Variants in KCNJ6 observed in about 807,000 individuals in gnomAD.
KCNJ6 encodes potassium inwardly rectifying channel subfamily J member 6.
In KCNJ6, 9 loss-of-function variants were observed where a neutral mutation model predicts 34.2. The observed-to-expected ratio is 0.26, with a 90% CI of 0.16 to 0.46. The LOEUF is 0.46. Among genes scored for constraint, KCNJ6 ranks in the 20% least tolerant of loss-of-function variants. KCNJ6 has a pLI of 1.00. For missense variants in KCNJ6, 236 were observed against 531.3 expected, an observed-to-expected ratio of 0.44 and a Z score of 5.46; for synonymous variants, 196 against 207.1, an observed-to-expected ratio of 0.95 and a Z score of 0.46.
At position 37,649,157 on chromosome 21, in the gene KCNJ6, A is replaced by AAAAAAAAAAAC. The variant is rs755535850; in HGVS notation, c.947-23674_947-23673insGTTTTTTTTTT. On this transcript the variant is annotated intron_variant, in intron 3 of 3. Transcript: ENST00000609713. ...CAAAAAAAAAAAAAAAAAAAAAAGA[A>AAAAAAAAAAAC]AGAAAAAGAAAGGGAGTTTATAAAT... is the stretch of plus-strand genomic sequence containing the variant. 2.4e-4 allele frequency among the ~76,000 whole-genome samples: 32 copies of AAAAAAAAAAAC among 134,008 alleles called. 1 individual carries two copies. Among genetic ancestry groups the AAAAAAAAAAAC allele is most frequent in the East Asian group, 9.9e-4 (4 of 4,056 alleles). 87.9% of individuals were successfully genotyped at this position (134,008 alleles called of 152,430 possible). A position where few individuals can be genotyped will look rare whatever the true frequency, so the allele number is the denominator to read the frequency against.
chr21:37,779,620 G>C (rs1354649315), intron 2 of KCNJ6, among the ~76,000 whole-genome samples: 4 of 152,136 alleles, frequency 2.6e-5, no homozygotes, highest in African/African-American at 9.7e-5. Flanking sequence ...AAGCCACTTG[G>C]GGAACCTGAG....
intron 2 of KCNJ6, among the ~76,000 whole-genome samples, chr21:37,752,358 G>A (rs559133909): frequency 1.3e-5 from 2 of 152,104 alleles, no homozygotes; most frequent in African/African-American, 2.4e-5. Flanking sequence ...CCTAGGAGGT[G>A]GTCTGACATG....
At chr21:37,745,072 GTTTTT>G (rs58661633) in intron 2 of KCNJ6, among the ~76,000 whole-genome samples, 7 of 89,464 alleles carry the variant, frequency 7.8e-5, no homozygotes, top group African/African-American at 2.5e-4. Context: ...AACGTTGCTG[GTTTTT>G]TTTTTTTTTT....
chr21:37,816,303 A>G (rs2835983), intron 2 of KCNJ6, among the ~76,000 whole-genome samples: 103,159 of 152,096 alleles, frequency 0.68, 35,866 homozygotes, highest in South Asian at 0.79. Flanking sequence ...TGTTCAACTC[A>G]AAAATCCCTA....
At position 37,664,463 on chromosome 21, in the gene KCNJ6, T is replaced by A. The variant is rs114988972; in HGVS notation, c.947-38979A>T. On this transcript the variant is annotated intron_variant, in intron 3 of 3. Transcript: ENST00000609713. ...ATGAGATTAATACAGTAAAAAAATA[T>A]ATAATTTAAATACACAATATCTGAA... is the stretch of plus-strand genomic sequence containing the variant. Among the ~76,000 whole-genome samples the A allele has an allele frequency of 7.2e-3, 1,097 of 152,036 alleles. 8 individuals are homozygous for A. Among genetic ancestry groups the A allele is most frequent in the African/African-American group, 0.025 (1,039 of 41,512 alleles).
At chr21:37,858,385 T>C (rs1393473932) in intron 1 of KCNJ6, among the ~76,000 whole-genome samples, 1 of 81,504 alleles carries the variant, frequency 1.2e-5, no homozygotes, top group Admixed American at 2.2e-4. Flanking sequence ...AGAGCAAGAC[T>C]CCGTCTCAAA....
chr21:37,789,331 G>A lies in KCNJ6; in HGVS notation c.25+51327C>T, dbSNP rs141540722. ...TAACTAAGGTCAAATGAAGTCATACGGGTGGGGTCTTAATCCAACGAAATT... is the reference window on the plus strand; with the variant it reads ...TAACTAAGGTCAAATGAAGTCATACAGGTGGGGTCTTAATCCAACGAAATT... On this transcript the variant is annotated intron_variant, in intron 2 of 3. Transcript: ENST00000609713. Among the ~76,000 whole-genome samples the A allele has an allele frequency of 5.9e-5, 9 of 152,262 alleles. No homozygotes were observed. The East Asian group carries it at 7.7e-4, about 13-fold the overall frequency.
In KCNJ6 at chr21:37,675,178, C is replaced by CAA. The variant is rs542849591; in HGVS notation, c.946+39031_946+39032dup. Among the ~76,000 whole-genome samples the CAA allele has an allele frequency of 3.0e-3, 454 of 152,340 alleles. 1 individual carries two copies. Among genetic ancestry groups the CAA allele is most frequent in the African/African-American group, 9.5e-3 (394 of 41,578 alleles). Reference sequence around the variant, plus strand: ...TTAATGTGATATTCCCAGCGTCTGGCAATGTAGCAGGGGCTCCGTTTTGAA... The same window carrying CAA: ...TTAATGTGATATTCCCAGCGTCTGGCAAAATGTAGCAGGGGCTCCGTTTTGAA... On this transcript the variant is annotated intron_variant, in intron 3 of 3. Coordinates refer to ENST00000609713, the MANE Select transcript of KCNJ6 (RefSeq NM_002240.5). This position sits in a 1 kb window ranked among gnomAD's most constrained non-coding sequence, Gnocchi z 4.2.
chr21:37,855,988 G>T (rs931893013), intron 1 of KCNJ6, among the ~76,000 whole-genome samples: 1 of 152,200 alleles, frequency 6.6e-6, no homozygotes, highest in Non-Finnish European at 1.5e-5. Flanking sequence ...CAGGGGAGAG[G>T]GGGTGGAAGC....
rs2054271329 is a variant in KCNJ6 at position 37,617,023 on chromosome 21, T to TCTTA, written c.*8135_*8136insTAAG. On this transcript the variant is annotated 3_prime_UTR_variant, in exon 4 of 4. Coordinates refer to ENST00000609713, the MANE Select transcript of KCNJ6 (RefSeq NM_002240.5). ...TCTCTTTCTTTTCTCTTTCTTTCTTTCTTTCTTTCTTTCTTTCTTTCTTTC... is the reference window on the plus strand; with the variant it reads ...TCTCTTTCTTTTCTCTTTCTTTCTTTCTTACTTTCTTTCTTTCTTTCTTTCTTTC... 5 of 20,542 alleles carry TCTTA rather than the reference T, an allele frequency of 2.4e-4. No individual in the cohort carries two copies. The South Asian group carries it at 0.012, about 49-fold the overall frequency. The allele number at this position is 20,542 out of a possible 1,614,324, so 1.3% of individuals were successfully genotyped here. A position where few individuals can be genotyped will look rare whatever the true frequency, so the allele number is the denominator to read the frequency against.
At chr21:37,693,311 C>T (rs1407461355) in intron 3 of KCNJ6, among the ~76,000 whole-genome samples, 1 of 152,208 alleles carries the variant, frequency 6.6e-6, no homozygotes, top group East Asian at 1.9e-4. Context: ...ATTCACATCA[C>T]CATTTGGAGG....
At chr21:37,827,151 T>C (rs1006098573) in intron 2 of KCNJ6, among the ~76,000 whole-genome samples, 1 of 152,134 alleles carries the variant, frequency 6.6e-6, no homozygotes, top group African/African-American at 2.4e-5. Flanking sequence ...GGAATGATAT[T>C]TGGTTTGGGT....
intron 3 of KCNJ6, among the ~76,000 whole-genome samples, chr21:37,629,277 TAATC>T (rs931462565): frequency 1.3e-5 from 2 of 152,220 alleles, no homozygotes; most frequent in African/African-American, 4.8e-5. Context: ...TGGTTTTATT[TAATC>T]AATAAAACAA....
At chr21:37,726,598 ATGTGTGTGTATG>A (rs925343542) in intron 2 of KCNJ6, among the ~76,000 whole-genome samples, 1 of 152,078 alleles carries the variant, frequency 6.6e-6, no homozygotes, top group Non-Finnish European at 1.5e-5. Flanking sequence ...ATGTTTGTGA[ATGTGTGTGTATG>A]TGTGTGTGTA....
chr21:37,831,990 TG>T (rs1339872504), intron 2 of KCNJ6, among the ~76,000 whole-genome samples: 1 of 152,132 alleles, frequency 6.6e-6, no homozygotes, highest in Non-Finnish European at 1.5e-5. Context: ...GGAGTCCCTG[TG>T]GGACTTTAAG....
intron 3 of KCNJ6, among the ~76,000 whole-genome samples, chr21:37,632,778 C>T (rs2054339742): frequency 6.6e-6 from 1 of 151,772 alleles, no homozygotes; most frequent in African/African-American, 2.4e-5. Context: ...TATAAATTAC[C>T]AATACTTATT....
In KCNJ6 at chr21:37,695,288, T is replaced by A. The variant is rs1050897672; in HGVS notation, c.946+18923A>T. 1.3e-5 allele frequency among the ~76,000 whole-genome samples: 2 copies of A among 152,230 alleles called. No homozygotes were observed. The highest frequency in any genetic ancestry group is 4.8e-5 in the African/African-American group (2 of 41,464). ...CATCCCATAAAAGGAAATCAATGGCTAAGCAAAAGTCCAACTATTCTTAGT... is the reference window on the plus strand; with the variant it reads ...CATCCCATAAAAGGAAATCAATGGCAAAGCAAAAGTCCAACTATTCTTAGT... On this transcript the variant is annotated intron_variant, in intron 3 of 3. Coordinates refer to ENST00000609713, the MANE Select transcript of KCNJ6 (RefSeq NM_002240.5). This position sits in a 1 kb window ranked among gnomAD's most constrained non-coding sequence, Gnocchi z 4.2.
intron 3 of KCNJ6, among the ~76,000 whole-genome samples, chr21:37,632,533 A>G (rs4817878): frequency 0.023 from 3,573 of 152,284 alleles, 102 homozygotes; most frequent in East Asian, 0.068. Context: ...TTAATAAAAT[A>G]TAAAACAAGT....
chr21:37,728,308 T>C (rs531677964), intron 2 of KCNJ6, among the ~76,000 whole-genome samples: 6 of 152,236 alleles, frequency 3.9e-5, no homozygotes, highest in African/African-American at 1.4e-4. Flanking sequence ...AGCAGGGGGA[T>C]TGGGGAGTTA....
Sources: allele counts gnomAD v4.1 joint callset (sites outside exome capture counted in the v4.1 genomes callset), GRCh38; gene constraint gnomAD v4.1.1; non-coding constraint Gnocchi (gnomAD v3.1); transcripts MANE v1.5; gene names NCBI Gene and HGNC (gene_info 2026-07-23, HGNC 2026-07-21).